The following EPB41L3 variants were observed in gnomAD, a reference collection of about 807,000 sequenced individuals.
The protein encoded by EPB41L3 is erythrocyte membrane protein band 4.1 like 3.
A neutral mutation model predicts 127.1 loss-of-function variants in EPB41L3; 57 were observed. The ratio of observed to expected loss-of-function variants is 0.45; its 90% CI spans 0.36 to 0.56. The LOEUF is 0.56. Ranked by LOEUF, EPB41L3 falls within the 20% of genes least tolerant of loss-of-function variation. The pLI is 0.00. For synonymous variants in EPB41L3, 572 were observed against 549.5 expected, an observed-to-expected ratio of 1.04 and a Z score of -0.57; for missense variants, 1,273 against 1,372.2, an observed-to-expected ratio of 0.93 and a Z score of 1.14.
intron 1 of EPB41L3, among the ~76,000 whole-genome samples, chr18:5,505,548 C>T (rs1280384504): frequency 1.7e-4 from 26 of 150,148 alleles, no homozygotes; most frequent in African/African-American, 5.6e-4. Context: ...CTACCCTCCA[C>T]ACCTTCAGCT....
chr18:5,420,806 G>C (rs2077382467), intron 11 of EPB41L3, among the ~76,000 whole-genome samples: 1 of 152,002 alleles, frequency 6.6e-6, no homozygotes, highest in East Asian at 1.9e-4. Flanking sequence ...ACTAATCACA[G>C]ACAAAATATC....
At chr18:5,416,868 T>C (rs1369409561) in intron 12 of EPB41L3, among the ~76,000 whole-genome samples, 1 of 151,674 alleles carries the variant, frequency 6.6e-6, no homozygotes, top group African/African-American at 2.4e-5. Context: ...AAAAAACCAA[T>C]CTCTAGCATT....
At chr18:5,608,420 G>C (rs1242130294) in intron 3 of EPB41L3, among the ~76,000 whole-genome samples, 1 of 152,208 alleles carries the variant, frequency 6.6e-6, no homozygotes, top group Non-Finnish European at 1.5e-5. Flanking sequence ...CGGAAAAAGA[G>C]AGGGAGAGGC....
chr18:5,406,323 CTT>C (rs1040805380), intron 16 of EPB41L3, among the ~76,000 whole-genome samples: 90 of 152,184 alleles, frequency 5.9e-4, no homozygotes, highest in African/African-American at 2.0e-3. Context: ...AAATAAAACT[CTT>C]GTTATATCAA....
chr18:5,395,808 T>A (rs2143668929), intron 19 of EPB41L3, 101 bp from the exon 20 acceptor site: 2 of 824,098 alleles, frequency 2.4e-6, no homozygotes, highest in Non-Finnish European at 4.0e-6. Context: ...CACTATCTCC[T>A]ATTATGCAAT....
chr18:5,489,403 C>T, intron 1 of EPB41L3: 1 of 527,622 alleles, frequency 1.9e-6, no homozygotes, highest in Non-Finnish European at 3.2e-6. Context: ...TAACATTTAT[C>T]TAGGAGGAAA....
At chr18:5,518,967 G>A (rs540036598) in intron 1 of EPB41L3, among the ~76,000 whole-genome samples, 67 of 152,252 alleles carry the variant, frequency 4.4e-4, no homozygotes, top group South Asian at 1.7e-3. Context: ...GTCTGAATCC[G>A]TCTGTTTGGC....
intron 3 of EPB41L3, among the ~76,000 whole-genome samples, chr18:5,580,555 C>CAT (rs2094384404): frequency 1.3e-5 from 2 of 152,036 alleles, no homozygotes; most frequent in South Asian, 4.1e-4. Context: ...GATAAGTATA[C>CAT]ATATATATGC....
At chr18:5,433,073 G>C (rs964251163) in intron 8 of EPB41L3, among the ~76,000 whole-genome samples, 5 of 152,222 alleles carry the variant, frequency 3.3e-5, no homozygotes, top group African/African-American at 7.2e-5. Context: ...GTCAGGGAAA[G>C]CGTAGAAACA....
At chr18:5,515,026 C>T (rs2092695881) in intron 1 of EPB41L3, among the ~76,000 whole-genome samples, 1 of 152,214 alleles carries the variant, frequency 6.6e-6, no homozygotes, top group African/African-American at 2.4e-5. Flanking sequence ...GGCCATCTAT[C>T]TATTATTACT....
chr18:5,440,725 TCATAA>T (rs1011393902), intron 5 of EPB41L3, among the ~76,000 whole-genome samples: 2 of 152,244 alleles, frequency 1.3e-5, no homozygotes, highest in Non-Finnish European at 2.9e-5. Context: ...TGCATTTATA[TCATAA>T]AAGTGCGATA....
At chr18:5,499,105 C>T (rs897755759) in intron 1 of EPB41L3, among the ~76,000 whole-genome samples, 5 of 152,014 alleles carry the variant, frequency 3.3e-5, no homozygotes, top group Admixed American at 3.3e-4. Flanking sequence ...GCTAGTCACT[C>T]GGAAGACACA....
intron 3 of EPB41L3, among the ~76,000 whole-genome samples, chr18:5,593,277 C>G (rs2143595370): frequency 6.9e-6 from 1 of 144,100 alleles, no homozygotes; most frequent in Non-Finnish European, 1.5e-5. Context: ...CATGTATGTT[C>G]CATTTTCCCT....
At chr18:5,533,127 A>G (rs988152733) in intron 1 of EPB41L3, among the ~76,000 whole-genome samples, 3 of 152,186 alleles carry the variant, frequency 2.0e-5, no homozygotes, top group African/African-American at 7.2e-5. Context: ...ATTTTTGATG[A>G]CAACTGGGGG....
At chr18:5,577,355 G>A (rs1325879325) in intron 3 of EPB41L3, 1 of 454,090 alleles carries the variant, frequency 2.2e-6, no homozygotes, top group East Asian at 7.0e-5. Context: ...GAGACTTTGA[G>A]CACAGATAGA....
intron 1 of EPB41L3, among the ~76,000 whole-genome samples, chr18:5,506,631 C>T (rs1161154914): frequency 6.6e-6 from 1 of 152,284 alleles, no homozygotes; most frequent in Admixed American, 6.5e-5. Context: ...CCATCAGAGG[C>T]TCTAAGCCCC....
chr18:5,506,434 T>C (rs915770381), intron 1 of EPB41L3, among the ~76,000 whole-genome samples: 19 of 152,146 alleles, frequency 1.2e-4, no homozygotes, highest in Middle Eastern at 3.2e-3. Context: ...CTGGAACATA[T>C]GTCTTCCTTG....
intron 3 of EPB41L3, among the ~76,000 whole-genome samples, chr18:5,596,453 C>T (rs113791520): frequency 0.012 from 1,779 of 152,226 alleles, 27 homozygotes; most frequent in African/African-American, 0.035. Flanking sequence ...CTAAGTAGGA[C>T]GCCCAGGGTC....
At chr18:5,568,339 T>G (rs2149244107) in intron 3 of EPB41L3, among the ~76,000 whole-genome samples, 1 of 151,172 alleles carries the variant, frequency 6.6e-6, no homozygotes, top group South Asian at 2.1e-4. Flanking sequence ...GTGAAGACCA[T>G]TAGTCCTCAA....
Sources: allele counts gnomAD v4.1 joint callset (sites outside exome capture counted in the v4.1 genomes callset), GRCh38; gene constraint gnomAD v4.1.1; transcripts MANE v1.5; gene names NCBI Gene and HGNC (gene_info 2026-07-23, HGNC 2026-07-21).